The following ZNF608 variants were observed in gnomAD, a reference collection of about 807,000 sequenced individuals.
ZNF608 encodes the protein zinc finger protein 608, also known as renal carcinoma antigen NY-REN-36.
Under a neutral mutation model 109.0 loss-of-function variants are expected in ZNF608, and 12 were observed. That is an observed-to-expected ratio of 0.11 (90% CI 0.07 to 0.18). The LOEUF is 0.18. ZNF608 is among the 10% of genes least tolerant of loss of function. The pLI, the probability that ZNF608 is intolerant of heterozygous loss-of-function variation, is 1.00. For missense variants in ZNF608, 1,707 were observed against 1,879.3 expected (o/e 0.91, Z 1.70); for synonymous variants, 732 against 717.4 (o/e 1.02, Z -0.33).
intron 3 of ZNF608, among the ~76,000 whole-genome samples, chr5:124,681,607 C>T (rs1318709546): frequency 6.6e-6 from 1 of 152,106 alleles, no homozygotes; most frequent in East Asian, 1.9e-4. Context: ...ATTGGCCTAG[C>T]ATGTTGGCAC....
intron 3 of ZNF608, among the ~76,000 whole-genome samples, chr5:124,696,012 C>T (rs1243834326): frequency 3.3e-5 from 5 of 152,066 alleles, no homozygotes; most frequent in Middle Eastern, 3.4e-3. Context: ...GGAGAAACCC[C>T]GTCTCTACTA....
chr5:124,696,680 T>A (rs182051126), intron 3 of ZNF608, among the ~76,000 whole-genome samples: 2 of 152,322 alleles, frequency 1.3e-5, no homozygotes, highest in Admixed American at 1.3e-4. Flanking sequence ...CTCTTCCTCA[T>A]CAGCACAGTG....
At chr5:124,704,475 G>A (rs4389684) in intron 2 of ZNF608, among the ~76,000 whole-genome samples, 1 of 151,870 alleles carries the variant, frequency 6.6e-6, no homozygotes, top group Non-Finnish European at 1.5e-5. Flanking sequence ...TCTACCATAG[G>A]CCCCTCTTCC....
chr5:124,677,901 A>C (rs1366940316), intron 3 of ZNF608, among the ~76,000 whole-genome samples: 1 of 152,178 alleles, frequency 6.6e-6, no homozygotes, highest in Non-Finnish European at 1.5e-5. Context: ...CTCAGACACC[A>C]GGAAGCAGCT....
rs141314182 is a variant in ZNF608, at chr5:124,648,086, G to A, written c.2298C>T (p.Pro766=). Residue 766 remains proline, a synonymous_variant, in exon 5 of 10, where the codon CCC becomes CCT. Transcript: ENST00000513986. The part of the protein sequence containing the change: ...TFTTTTTGTI[P]GLPSLTTTVV... ...CAGTTGTTGTGAGGGAGGGCAGTCC[G>A]GGTATTGTCCCAGTGGTGGTCGTTG... 388 of 1,614,120 alleles carry A rather than the reference G, an allele frequency of 2.4e-4. 1 individual carries two copies. In the African/African-American group the frequency reaches 4.7e-3, roughly 19 times the overall value.
intron 3 of ZNF608, among the ~76,000 whole-genome samples, chr5:124,682,951 T>A (rs971231146): frequency 6.6e-6 from 1 of 152,142 alleles, no homozygotes; most frequent in Non-Finnish European, 1.5e-5. Flanking sequence ...CGAACAGAAG[T>A]AATGAGCTAT....
intron 2 of ZNF608, among the ~76,000 whole-genome samples, chr5:124,726,917 AAAC>A (rs1748635374): frequency 6.6e-6 from 1 of 152,218 alleles, no homozygotes; most frequent in African/African-American, 2.4e-5. Flanking sequence ...AAAAAAGTGC[AAAC>A]ATCCAACCAA....
intron 2 of ZNF608, among the ~76,000 whole-genome samples, chr5:124,706,912 T>C (rs189964434): frequency 2.0e-5 from 3 of 151,894 alleles, no homozygotes; most frequent in Non-Finnish European, 4.4e-5. Flanking sequence ...CCTAAGAGCA[T>C]GGGAGGGGGA....
chr5:124,653,125 AAAGT>A (rs911024803), intron 3 of ZNF608, among the ~76,000 whole-genome samples: 50 of 152,332 alleles, frequency 3.3e-4, no homozygotes, highest in African/African-American at 8.9e-4. Flanking sequence ...TATTACTAAT[AAAGT>A]AAGAATACAG....
At chr5:124,652,864 G>T (rs1207583712) in intron 3 of ZNF608, among the ~76,000 whole-genome samples, 1 of 152,110 alleles carries the variant, frequency 6.6e-6, no homozygotes, top group African/African-American at 2.4e-5. Flanking sequence ...TATAAATCTG[G>T]GCATAAAGTT....
intron 2 of ZNF608, among the ~76,000 whole-genome samples, chr5:124,714,892 T>G (rs558656261): frequency 2.0e-5 from 3 of 152,340 alleles, no homozygotes; most frequent in Non-Finnish European, 4.4e-5. Flanking sequence ...TATAATTGAA[T>G]ATTTAAGGTT....
intron 2 of ZNF608, among the ~76,000 whole-genome samples, chr5:124,737,333 C>T (rs1051556200): frequency 1.3e-5 from 2 of 152,078 alleles, no homozygotes; most frequent in South Asian, 2.1e-4. Flanking sequence ...TCCCAGGAGG[C>T]AGAAAGCTCA....
At chr5:124,734,473 C>A (rs568992727) in intron 2 of ZNF608, 1 of 152,256 alleles carries the variant, frequency 6.6e-6, no homozygotes, top group Admixed American at 6.5e-5. Context: ...TATACAGAAC[C>A]ACCCCGAAGC....
intron 3 of ZNF608, among the ~76,000 whole-genome samples, chr5:124,686,892 T>C (rs757020858): frequency 6.6e-6 from 1 of 152,220 alleles, no homozygotes; most frequent in Non-Finnish European, 1.5e-5. Flanking sequence ...GCATTGACTC[T>C]CTGAGGCACA....
At chr5:124,674,663 T>C (rs1751863610) in intron 3 of ZNF608, among the ~76,000 whole-genome samples, 1 of 152,180 alleles carries the variant, frequency 6.6e-6, no homozygotes, top group Non-Finnish European at 1.5e-5. Context: ...CAGTGTGGAG[T>C]GCAATGGTAT....
intron 2 of ZNF608, among the ~76,000 whole-genome samples, chr5:124,743,418 C>G (rs1749499799): frequency 6.6e-6 from 1 of 152,170 alleles, no homozygotes; most frequent in Non-Finnish European, 1.5e-5. Context: ...GTGCTAACAG[C>G]CACCAAAACC....
intron 2 of ZNF608, among the ~76,000 whole-genome samples, chr5:124,709,170 CAAA>C (rs1156276798): frequency 1.5e-4 from 5 of 32,714 alleles, no homozygotes; most frequent in Admixed American, 5.2e-4. Flanking sequence ...GACTCTGTCT[CAAA>C]AAAAAAAAAA....
At chr5:124,684,732 C>T (rs780506948) in intron 3 of ZNF608, among the ~76,000 whole-genome samples, 1 of 152,180 alleles carries the variant, frequency 6.6e-6, no homozygotes, top group Non-Finnish European at 1.5e-5. Flanking sequence ...ACTGGTCTCC[C>T]TTTTCCCTTC....
Position 124,646,982 on chromosome 5 carries a change from G to T in ZNF608, c.3402C>A (p.Pro1134=). ...TTTCCTCCTTGCCCAGCTCTTTCAA[G>T]GGGAGCTCACTTTTCCTTTCACAGT... is the stretch of plus-strand genomic sequence containing the variant. ...RGDCERKSEL[P]LKELGKEETK... Residue 1134 remains proline (P), a synonymous_variant, in exon 5 of 10, where the codon CCC becomes CCA. Coordinates refer to ENST00000513986, the MANE Select transcript of ZNF608 (RefSeq NM_020747.3). 7 of 1,614,094 alleles carry T rather than the reference G, an allele frequency of 4.3e-6. No individual in the cohort carries two copies. The highest frequency in any genetic ancestry group is 5.9e-6 in the Non-Finnish European group (7 of 1,180,014).
Sources: gnomAD v4.1 joint callset for allele counts (sites outside exome capture counted in the v4.1 genomes callset) on GRCh38, gnomAD v4.1.1 for gene constraint, MANE v1.5 for transcripts, NCBI Gene and HGNC (gene_info 2026-07-23, HGNC 2026-07-21) for gene names.